ARMC9: variants seen among roughly 807,000 people sequenced by gnomAD.
ARMC9 encodes the protein lisH domain-containing protein ARMC9.
A neutral mutation model predicts 107.0 loss-of-function variants in ARMC9; 94 were observed. The observed-to-expected ratio is 0.88, with a 90% CI of 0.74 to 1.04. The LOEUF is 1.04. Among genes scored for constraint, ARMC9 ranks in the 50% least tolerant of loss-of-function variants. The pLI, the probability that ARMC9 is intolerant of heterozygous loss-of-function variation, is 0.00. For missense variants in ARMC9, 942 were observed against 1,030.1 expected (o/e 0.91, Z 1.17); for synonymous variants, 380 against 396.9 (o/e 0.96, Z 0.51).
chr2:231,280,616 A>G (rs919995111), intron 16 of ARMC9, among the ~76,000 whole-genome samples: 2 of 152,166 alleles, frequency 1.3e-5, no homozygotes, highest in Non-Finnish European at 2.9e-5. Context: ...ACCAAAATAA[A>G]GAAAAAGATG....
In ARMC9 at chr2:231,255,972, G is replaced by A. The variant is rs949314264; in HGVS notation, c.880-614G>A. On this transcript the variant is annotated intron_variant, in intron 9 of 24. Coordinates refer to ENST00000611582, the MANE Select transcript of ARMC9 (RefSeq NM_001352754.2). The surrounding 1 kb of genome is among the most constrained non-coding windows in gnomAD (Gnocchi z 4.7). ...GGAGAATGGCGTGAACCCGGTAGGC[G>A]GAGGTTGCGGTGAGCCAAGATTGCG... The A allele has an allele frequency of 6.7e-6, 6 of 895,896 alleles. No homozygotes were observed. The highest frequency in any genetic ancestry group is 9.9e-6 in the Non-Finnish European group (6 of 606,518). The allele number at this position is 895,896 out of a possible 1,614,324, so 55.5% of individuals were successfully genotyped here.
At chr2:231,237,825 T>C (rs2035915343) in intron 8 of ARMC9, among the ~76,000 whole-genome samples, 1 of 113,886 alleles carries the variant, frequency 8.8e-6, no homozygotes, top group Non-Finnish European at 1.9e-5. Flanking sequence ...TGGTCAGTCA[T>C]CCATTTTCTT....
At chr2:231,371,282 A>C (rs1039178182) in intron 24 of ARMC9, among the ~76,000 whole-genome samples, 5 of 152,152 alleles carry the variant, frequency 3.3e-5, no homozygotes, top group Admixed American at 6.5e-5. Flanking sequence ...GGGCTCAACA[A>C]ACACGTGAGC....
At chr2:231,273,443 T>G (rs2039505604) in intron 14 of ARMC9, among the ~76,000 whole-genome samples, 1 of 152,118 alleles carries the variant, frequency 6.6e-6, no homozygotes, top group Admixed American at 6.6e-5. Context: ...CACACATGAA[T>G]GCACATCCCA....
intron 19 of ARMC9, among the ~76,000 whole-genome samples, chr2:231,311,174 T>G (rs2042323634): frequency 6.6e-6 from 1 of 152,102 alleles, no homozygotes; most frequent in African/African-American, 2.4e-5. Flanking sequence ...ATAGTGAAAG[T>G]TAATGTTGCT....
intron 7 of ARMC9, among the ~76,000 whole-genome samples, chr2:231,227,676 G>A (rs895918795): frequency 3.3e-5 from 5 of 152,244 alleles, no homozygotes; most frequent in Non-Finnish European, 2.9e-5. Context: ...TTAGCTGTTT[G>A]CTCACCAGGG....
chr2:231,311,770 CAAAAAAAAAAAAAAA>C (rs56713732), intron 19 of ARMC9, among the ~76,000 whole-genome samples: 4 of 60,642 alleles, frequency 6.6e-5, no homozygotes, highest in Non-Finnish European at 1.2e-4. Flanking sequence ...ACTCCATCGC[CAAAAAAAAAAAAAAA>C]AAAAAAAAAA....
intron 12 of ARMC9, among the ~76,000 whole-genome samples, chr2:231,269,723 A>G (rs1311953577): frequency 1.3e-5 from 2 of 151,998 alleles, no homozygotes; most frequent in African/African-American, 4.8e-5. Context: ...CCTTCTGTTG[A>G]CACTTTTATT....
At chr2:231,304,926 A>T (rs1181155867) in intron 19 of ARMC9, among the ~76,000 whole-genome samples, 1 of 152,252 alleles carries the variant, frequency 6.6e-6, no homozygotes, top group Non-Finnish European at 1.5e-5. Context: ...TTGAGAAGAC[A>T]TCTGCTGTAT....
chr2:231,368,322 T>C (rs1010710996), intron 23 of ARMC9, among the ~76,000 whole-genome samples: 3 of 152,150 alleles, frequency 2.0e-5, no homozygotes, highest in Non-Finnish European at 4.4e-5. Flanking sequence ...CATCAGGAAA[T>C]GCATCCTGAT....
rs1025920900 is a variant in ARMC9, at chr2:231,353,418, G to A, written c.1995-2380G>A. ...AGGATGGTCTCGATCTCCTGACCTC[G>A]TGATCCGCCTGTCTCGGCCTCCCAA... On this transcript the variant is annotated intron_variant, in intron 21 of 24. Transcript: ENST00000611582. Among the ~76,000 whole-genome samples, 66 of 126,094 alleles carry A rather than the reference G, an allele frequency of 5.2e-4. 3 individuals are homozygous for A. The highest frequency in any genetic ancestry group is 7.4e-4 in the Non-Finnish European group (49 of 66,252). 82.7% of individuals were successfully genotyped at this position (126,094 alleles called of 152,430 possible).
intron 1 of ARMC9, among the ~76,000 whole-genome samples, chr2:231,200,462 C>A (rs1449227824): frequency 6.6e-6 from 1 of 152,154 alleles, no homozygotes; most frequent in Admixed American, 6.5e-5. Flanking sequence ...CGCTTGAGGT[C>A]AGGAGTTCAA....
At chr2:231,250,528 G>A (rs975109695) in intron 9 of ARMC9, among the ~76,000 whole-genome samples, 2 of 152,206 alleles carry the variant, frequency 1.3e-5, no homozygotes, top group Non-Finnish European at 1.5e-5. Flanking sequence ...GAACGCAGGG[G>A]ATGCTGAGGA....
intron 19 of ARMC9, among the ~76,000 whole-genome samples, chr2:231,318,630 A>G (rs2042836653): frequency 6.6e-6 from 1 of 152,182 alleles, no homozygotes; most frequent in African/African-American, 2.4e-5. Flanking sequence ...TCCAGGCAGG[A>G]AGGCCATGAA....
chr2:231,215,034 G>A, intron 4 of ARMC9, 33 bp downstream of exon 4: 5 of 1,607,208 alleles, frequency 3.1e-6, no homozygotes, highest in South Asian at 1.1e-5. Flanking sequence ...GTGGGTCTGA[G>A]TGGTGTGTTA....
intron 13 of ARMC9, among the ~76,000 whole-genome samples, chr2:231,272,305 C>T (rs1310538200): frequency 6.6e-5 from 10 of 150,914 alleles, no homozygotes; most frequent in African/African-American, 9.8e-5. Context: ...ATACTCCTCG[C>T]GCCTCAGCCC....
intron 19 of ARMC9, among the ~76,000 whole-genome samples, chr2:231,325,523 T>A (rs568159111): frequency 6.6e-6 from 1 of 152,336 alleles, no homozygotes; most frequent in African/African-American, 2.4e-5. Flanking sequence ...GTGATTCCAA[T>A]GCCCATTTCC....
intron 19 of ARMC9, among the ~76,000 whole-genome samples, chr2:231,300,266 C>A (rs1026116593): frequency 5.9e-5 from 9 of 152,186 alleles, no homozygotes; most frequent in Admixed American, 1.3e-4. Context: ...AAGTGCCAAT[C>A]GTATGCTCAG....
At position 231,360,426 on chromosome 2, in the gene ARMC9, G is replaced by C. The variant is rs766496409; in HGVS notation, c.2132-328G>C. On this transcript the variant is annotated intron_variant, in intron 22 of 24. Transcript: ENST00000611582. The surrounding 1 kb of genome is among the most constrained non-coding windows in gnomAD (Gnocchi z 4.7). The stretch of plus-strand genomic sequence containing the variant: ...ATGGGCCTCCACATTCTGTCTGGGG[G>C]CGCCTAGCCATGGCCCAGGGAGACA... 6.6e-6 allele frequency among the ~76,000 whole-genome samples: 1 copy of C among 152,240 alleles called. No homozygotes were observed. The highest frequency in any genetic ancestry group is 2.4e-5 in the African/African-American group (1 of 41,456).
Sources: gnomAD v4.1 joint callset for allele counts (sites outside exome capture counted in the v4.1 genomes callset) on GRCh38, gnomAD v4.1.1 for gene constraint, Gnocchi (gnomAD v3.1) non-coding constraint, MANE v1.5 for transcripts, NCBI Gene and HGNC (gene_info 2026-07-23, HGNC 2026-07-21) for gene names.